MTUS2: variants seen among roughly 807,000 people sequenced by gnomAD.
MTUS2 encodes the protein microtubule associated scaffold protein 2, also known as microtubule-associated tumor suppressor candidate 2.
Under a neutral mutation model 114.1 loss-of-function variants are expected in MTUS2, and 40 were observed. That is an observed-to-expected ratio of 0.35 (90% CI 0.27 to 0.46). MTUS2 has a LOEUF of 0.46. Ranked by LOEUF, MTUS2 falls within the 20% of genes least tolerant of loss-of-function variation. MTUS2 has a pLI of 1.00. For synonymous variants in MTUS2, 688 were observed against 672.0 expected (o/e 1.02, Z -0.37); for missense variants, 1,679 against 1,705.4 (o/e 0.98, Z 0.27).
At chr13:29,258,329 T>C (rs1481131930) in intron 5 of MTUS2, among the ~76,000 whole-genome samples, 1 of 152,216 alleles carries the variant, frequency 6.6e-6, no homozygotes, top group Non-Finnish European at 1.5e-5. Context: ...AGCGACAGTG[T>C]GTTGAATTCT....
intron 4 of MTUS2, among the ~76,000 whole-genome samples, chr13:29,088,659 T>G (rs1889805179): frequency 6.6e-6 from 1 of 152,246 alleles, no homozygotes; most frequent in South Asian, 2.1e-4. Flanking sequence ...TTCATATACA[T>G]TCAGCATAGT....
chr13:29,501,238 G>A, intron 15 of MTUS2, 44 bp downstream of exon 15: 1 of 1,462,008 alleles, frequency 6.8e-7, no homozygotes, highest in South Asian at 1.1e-5. Context: ...TTCCTCTTGA[G>A]CTTCTTTTTG....
intron 9 of MTUS2, among the ~76,000 whole-genome samples, chr13:29,471,084 T>C (rs1473982165): frequency 6.6e-6 from 1 of 152,190 alleles, no homozygotes; most frequent in African/African-American, 2.4e-5. Flanking sequence ...GGCTCACACC[T>C]GTGATCATAA....
intron 2 of MTUS2, among the ~76,000 whole-genome samples, chr13:28,918,607 C>A (rs1323201285): frequency 6.6e-6 from 1 of 151,768 alleles, no homozygotes; most frequent in Non-Finnish European, 1.5e-5. Context: ...ATAATTGATT[C>A]TTATTTTTCT....
At chr13:29,392,236 G>T (rs1286453111) in intron 8 of MTUS2, among the ~76,000 whole-genome samples, 1 of 149,068 alleles carries the variant, frequency 6.7e-6, no homozygotes, top group Non-Finnish European at 1.5e-5. Context: ...CCCTCTTCCC[G>T]CAGCCCCTGG....
Position 29,067,116 on chromosome 13 carries a change from A to G in MTUS2, c.2446+32991A>G, listed in dbSNP as rs189423120. Among the ~76,000 whole-genome samples, 44 of 152,314 alleles carry G rather than the reference A, an allele frequency of 2.9e-4. No homozygotes were observed. In the East Asian group the frequency reaches 3.3e-3, roughly 11 times the overall value. Reference sequence around the variant, plus strand: ...GCAGAGTTTGAGGTTCCTAAGGGACATTTAGGTAGAAATTTCCAAAATGCT... The same window carrying G: ...GCAGAGTTTGAGGTTCCTAAGGGACGTTTAGGTAGAAATTTCCAAAATGCT... On this transcript the variant is annotated intron_variant, in intron 4 of 15. Coordinates refer to ENST00000612955, the MANE Select transcript of MTUS2 (RefSeq NM_001033602.4).
intron 4 of MTUS2, among the ~76,000 whole-genome samples, chr13:29,060,757 T>C (rs1161182874): frequency 6.6e-6 from 1 of 151,588 alleles, no homozygotes; most frequent in African/African-American, 2.4e-5. Flanking sequence ...ACCTATTTCT[T>C]CATTCTTTTT....
At chr13:29,045,493 G>C (rs917851741) in intron 4 of MTUS2, among the ~76,000 whole-genome samples, 5 of 152,136 alleles carry the variant, frequency 3.3e-5, no homozygotes, top group Non-Finnish European at 7.4e-5. Flanking sequence ...TATAAATCTT[G>C]AGAGGACACA....
chr13:28,908,032 C>G (rs1050891792), intron 2 of MTUS2, among the ~76,000 whole-genome samples: 2 of 151,480 alleles, frequency 1.3e-5, no homozygotes, highest in African/African-American at 2.4e-5. Flanking sequence ...CGTGTTGTGT[C>G]TTGGTGTGAA....
chr13:29,203,131 G>C (rs1436774862), intron 5 of MTUS2, among the ~76,000 whole-genome samples: 2 of 152,222 alleles, frequency 1.3e-5, no homozygotes, highest in Non-Finnish European at 2.9e-5. Flanking sequence ...TTCCGCAGAT[G>C]CTCTGTCTCA....
chr13:29,113,438 C>T (rs924987851), intron 5 of MTUS2, among the ~76,000 whole-genome samples: 2 of 152,146 alleles, frequency 1.3e-5, no homozygotes, highest in Non-Finnish European at 2.9e-5. Flanking sequence ...TGTAATAGGG[C>T]CCTCCTGTCT....
At chr13:29,300,012 A>C (rs1322969071) in intron 6 of MTUS2, among the ~76,000 whole-genome samples, 1 of 152,162 alleles carries the variant, frequency 6.6e-6, no homozygotes, top group African/African-American at 2.4e-5. Flanking sequence ...CTCTATTACA[A>C]ATTAAGTGGC....
intron 2 of MTUS2, among the ~76,000 whole-genome samples, chr13:28,929,617 C>G (rs1015989291): frequency 6.6e-6 from 1 of 152,270 alleles, no homozygotes; most frequent in East Asian, 1.9e-4. Flanking sequence ...AGAGTCCACA[C>G]TGCATTCAGG....
intron 2 of MTUS2, among the ~76,000 whole-genome samples, chr13:28,996,994 C>T: frequency 6.6e-6 from 1 of 152,272 alleles, no homozygotes; most frequent in South Asian, 2.1e-4. Flanking sequence ...TGTTAGGTGT[C>T]AATTTTAGAT....
At chr13:28,843,854 T>A (rs1875675202) in intron 2 of MTUS2, among the ~76,000 whole-genome samples, 1 of 152,192 alleles carries the variant, frequency 6.6e-6, no homozygotes, top group Non-Finnish European at 1.5e-5. Flanking sequence ...TGGGTAAGCA[T>A]GCCAGTAGGC....
intron 8 of MTUS2, among the ~76,000 whole-genome samples, chr13:29,396,678 G>A (rs1231684561): frequency 1.3e-5 from 2 of 152,212 alleles, no homozygotes; most frequent in Non-Finnish European, 2.9e-5. Flanking sequence ...GTAACTGCAT[G>A]TCTGCAATTC....
At chr13:29,187,788 C>T (rs955893092) in intron 5 of MTUS2, among the ~76,000 whole-genome samples, 5 of 152,178 alleles carry the variant, frequency 3.3e-5, no homozygotes, top group African/African-American at 9.7e-5. Flanking sequence ...CCTCAGAACA[C>T]ACACCCAGTA....
In MTUS2 at chr13:29,084,616, C is replaced by T. The variant is rs542978644; in HGVS notation, c.2447-16157C>T. On this transcript the variant is annotated intron_variant, in intron 4 of 15. Coordinates refer to ENST00000612955, the MANE Select transcript of MTUS2 (RefSeq NM_001033602.4). ...GCAGTGATGCAATCTCAGCTCACTG[C>T]AACTTCTGCCTCCTGGGTTCAAGCG... Among the ~76,000 whole-genome samples, 243 of 149,988 alleles carry T rather than the reference C, an allele frequency of 1.6e-3. 2 individuals carry two copies. The highest frequency in any genetic ancestry group is 5.6e-3 in the African/African-American group (230 of 40,912).
intron 5 of MTUS2, among the ~76,000 whole-genome samples, chr13:29,231,580 T>G (rs1343310672): frequency 6.6e-6 from 1 of 152,220 alleles, no homozygotes; most frequent in Admixed American, 6.5e-5. Context: ...TTCTGTGTGT[T>G]CAGGATACAC....
Sources: allele counts gnomAD v4.1 joint callset (sites outside exome capture counted in the v4.1 genomes callset), GRCh38; gene constraint gnomAD v4.1.1; transcripts MANE v1.5; gene names NCBI Gene and HGNC (gene_info 2026-07-23, HGNC 2026-07-21).